CNTN6: variants seen among roughly 807,000 people sequenced by gnomAD.
The protein encoded by CNTN6 is contactin 6.
Under a neutral mutation model 122.8 loss-of-function variants are expected in CNTN6, and 137 were observed. The observed-to-expected ratio is 1.12, with a 90% CI of 0.97 to 1.29. The LOEUF is 1.29. Among genes scored for constraint, CNTN6 ranks in the 50% most tolerant of loss-of-function variants. CNTN6 has a pLI of 0.00. For missense variants in CNTN6, 1,634 were observed against 1,223.4 expected (o/e 1.34, Z -5.01); for synonymous variants, 570 against 426.0 (o/e 1.34, Z -4.16).
chr3:1,308,086 G>A (rs2125915285), intron 7 of CNTN6, among the ~76,000 whole-genome samples: 1 of 152,212 alleles, frequency 6.6e-6, no homozygotes, highest in Non-Finnish European at 1.5e-5. Flanking sequence ...TGTGAAATGT[G>A]TCACTTCTTC....
At chr3:1,242,871 G>T (rs1575385106) in intron 4 of CNTN6, among the ~76,000 whole-genome samples, 1 of 152,142 alleles carries the variant, frequency 6.6e-6, no homozygotes, top group East Asian at 1.9e-4. Flanking sequence ...GTTTTCAGGG[G>T]TTTTGAAGCC....
chr3:1,261,033 A>G (rs147076595), intron 4 of CNTN6, among the ~76,000 whole-genome samples: 4 of 152,144 alleles, frequency 2.6e-5, no homozygotes, highest in Admixed American at 6.5e-5. Context: ...AGAGAACTCT[A>G]TGTGCGATGG....
intron 4 of CNTN6, among the ~76,000 whole-genome samples, chr3:1,232,768 C>T (rs919823524): frequency 1.2e-4 from 18 of 152,128 alleles, no homozygotes; most frequent in African/African-American, 4.1e-4. Context: ...CAGAGTGGAG[C>T]TCAAAGTGAG....
chr3:1,356,741 A>G (rs1043545346), intron 12 of CNTN6, among the ~76,000 whole-genome samples: 2 of 151,908 alleles, frequency 1.3e-5, no homozygotes, highest in Admixed American at 6.6e-5. Flanking sequence ...CCTACACAGA[A>G]TGACTGAAAG....
intron 2 of CNTN6, among the ~76,000 whole-genome samples, chr3:1,193,524 C>A (rs918099134): frequency 3.3e-5 from 5 of 152,236 alleles, no homozygotes; most frequent in African/African-American, 7.2e-5. Flanking sequence ...TACGTGATAA[C>A]TACCATATGG....
In CNTN6 at chr3:1,372,348, C is replaced by A. The variant is rs138661122; in HGVS notation, c.1542C>A (p.Gly514=). 5.6e-6 allele frequency: 9 copies of A among 1,611,822 alleles called. No homozygotes were observed. In the African/African-American group the frequency reaches 9.4e-5, roughly 17 times the overall value. ...CTTCCAAAATGGATGTTACAGTTGG[C>A]GAGAGTATAGTGCTACCATGCCAGG... The part of the protein sequence containing the change: ...VPPSKMDVTV[G]ESIVLPCQVS... Residue 514 remains glycine (G), a synonymous_variant, in exon 13 of 23, where the codon GGC becomes GGA. Transcript: ENST00000446702.
chr3:1,365,447 A>G (rs536774311), intron 12 of CNTN6, among the ~76,000 whole-genome samples: 23 of 152,060 alleles, frequency 1.5e-4, no homozygotes, highest in Admixed American at 8.5e-4. Flanking sequence ...AAAAACACAT[A>G]TATTTTATAT....
At chr3:1,150,440 T>G (rs933875695) in intron 2 of CNTN6, among the ~76,000 whole-genome samples, 2 of 152,170 alleles carry the variant, frequency 1.3e-5, no homozygotes, top group African/African-American at 4.8e-5. Flanking sequence ...TGACAACCTC[T>G]CCCCTCATTT....
chr3:1,130,505 G>A (rs964220038), intron 1 of CNTN6, among the ~76,000 whole-genome samples: 2 of 152,076 alleles, frequency 1.3e-5, no homozygotes, highest in Admixed American at 6.6e-5. Context: ...TTCTAGCCCC[G>A]TTGTTGAGTT....
intron 2 of CNTN6, among the ~76,000 whole-genome samples, chr3:1,158,867 C>CAT (rs1219848420): frequency 4.5e-5 from 1 of 22,328 alleles, no homozygotes; most frequent in Non-Finnish European, 1.7e-4. Context: ...TATATACACA[C>CAT]ATATATATAC....
In CNTN6 at chr3:1,383,695, G is replaced by T. The variant is rs575578136; in HGVS notation, c.2517+287G>T. 2.6e-5 allele frequency among the ~76,000 whole-genome samples: 4 copies of T among 152,332 alleles called. No individual in the cohort carries two copies. In the South Asian group the frequency reaches 8.3e-4, roughly 32 times the overall value. On this transcript the variant is annotated intron_variant, in intron 19 of 22. Transcript: ENST00000446702. ...AAAACAGCTTTATTGAGGCAGCAGT[G>T]TTACAGTTTTGAAATTGCTTCTGCA...
intron 4 of CNTN6, among the ~76,000 whole-genome samples, chr3:1,243,464 T>A (rs2094516421): frequency 6.6e-6 from 1 of 152,122 alleles, no homozygotes; most frequent in African/African-American, 2.4e-5. Context: ...AGGGCCGGAA[T>A]TTAATTTTTG....
chr3:1,151,841 A>T (rs2125190461), intron 2 of CNTN6, among the ~76,000 whole-genome samples: 1 of 152,296 alleles, frequency 6.6e-6, no homozygotes, highest in African/African-American at 2.4e-5. Flanking sequence ...ATGCTTATTC[A>T]CTAATGAAAA....
chr3:1,321,599 C>T (rs762773050), intron 7 of CNTN6, 51 bp from the exon 8 acceptor site: 3 of 1,436,398 alleles, frequency 2.1e-6, no homozygotes, highest in African/African-American at 2.9e-5. Flanking sequence ...TTTTATTTTG[C>T]TGTCATAAAG....
intron 17 of CNTN6, among the ~76,000 whole-genome samples, chr3:1,381,506 A>C (rs1031279894): frequency 6.6e-6 from 1 of 152,142 alleles, no homozygotes; most frequent in African/African-American, 2.4e-5. Flanking sequence ...GCAAGCAGGC[A>C]GGAAGGTCAG....
chr3:1,298,258 G>A, intron 7 of CNTN6: 1 of 329,392 alleles, frequency 3.0e-6, no homozygotes, highest in Non-Finnish European at 5.6e-6. Flanking sequence ...GACCCATTTA[G>A]GCAGCACATT....
At chr3:1,165,777 A>C (rs1037652506) in intron 2 of CNTN6, among the ~76,000 whole-genome samples, 15 of 152,218 alleles carry the variant, frequency 9.9e-5, no homozygotes, top group African/African-American at 3.6e-4. Context: ...ACTCAAGATA[A>C]CATGGCAGGT....
chr3:1,268,817 G>A (rs2094973173), intron 4 of CNTN6, among the ~76,000 whole-genome samples: 1 of 149,464 alleles, frequency 6.7e-6, no homozygotes, highest in Admixed American at 6.7e-5. Flanking sequence ...TGAAAAAAAA[G>A]CCAGTTTAAA....
rs1346286495 is a variant in CNTN6, at chr3:1,329,774, TTTG to T, written c.1214-8_1214-6del. 3.1e-6 allele frequency: 5 copies of T among 1,600,310 alleles called. No homozygotes were observed. The African/African-American group carries it at 6.8e-5, about 22-fold the overall frequency. On this transcript the variant is annotated splice_polypyrimidine_tract_variant and splice_region_variant and intron_variant, in intron 10 of 22. Coordinates refer to ENST00000446702, the MANE Select transcript of CNTN6 (RefSeq NM_001289080.2). ...GTAATTAAACAATTTTGTCTTTGATTTTGTTTTTAGCCTCAGCTCCAGATTTCT... is the reference window on the plus strand; with the variant it reads ...GTAATTAAACAATTTTGTCTTTGATTTTTTTAGCCTCAGCTCCAGATTTCT...
Sources: allele counts gnomAD v4.1 joint callset (sites outside exome capture counted in the v4.1 genomes callset), GRCh38; gene constraint gnomAD v4.1.1; transcripts MANE v1.5; gene names NCBI Gene and HGNC (gene_info 2026-07-23, HGNC 2026-07-21).